The following VPS13B variants were observed in gnomAD, a reference collection of about 807,000 sequenced individuals.
VPS13B encodes vacuolar protein sorting 13 homolog B, also known as intermembrane lipid transfer protein VPS13B.
A neutral mutation model predicts 426.4 loss-of-function variants in VPS13B; 285 were observed. The observed-to-expected ratio is 0.67, with a 90% CI of 0.61 to 0.74. The LOEUF (loss-of-function observed/expected upper bound fraction) is 0.74, where lower values mean the gene tolerates loss of function less well. VPS13B is among the 30% of genes least tolerant of loss of function. The pLI is 0.00. For synonymous variants in VPS13B, 1,676 were observed against 1,676.4 expected, an observed-to-expected ratio of 1.00 and a Z score of 0.01; for missense variants, 4,537 against 4,782.6, an observed-to-expected ratio of 0.95 and a Z score of 1.51.
At chr8:99,417,030 A>G (rs938509590) in intron 21 of VPS13B, among the ~76,000 whole-genome samples, 21 of 152,166 alleles carry the variant, frequency 1.4e-4, no homozygotes, top group Non-Finnish European at 2.4e-4. Flanking sequence ...GAGCCCTAGT[A>G]TGTGGTAAAT....
intron 17 of VPS13B, among the ~76,000 whole-genome samples, chr8:99,250,135 A>G (rs1817427638): frequency 6.6e-6 from 1 of 152,128 alleles, no homozygotes; most frequent in Non-Finnish European, 1.5e-5. Flanking sequence ...GATGTTGAAT[A>G]TTTTTTAATA....
chr8:99,789,632 C>T (rs989600074), intron 43 of VPS13B, among the ~76,000 whole-genome samples: 1 of 152,108 alleles, frequency 6.6e-6, no homozygotes, highest in Non-Finnish European at 1.5e-5. Flanking sequence ...AAGTTAATCA[C>T]AGTTTGTCAC....
At chr8:99,286,842 A>T (rs527403198) in intron 19 of VPS13B, among the ~76,000 whole-genome samples, 1 of 152,240 alleles carries the variant, frequency 6.6e-6, no homozygotes, top group South Asian at 2.1e-4. Context: ...ATGGTGGGAA[A>T]ATTAAAGAGA....
intron 3 of VPS13B, among the ~76,000 whole-genome samples, chr8:99,087,202 C>A (rs1261155416): frequency 6.6e-6 from 1 of 152,162 alleles, no homozygotes; most frequent in South Asian, 2.1e-4. Flanking sequence ...AGTTTGATCT[C>A]AGACTGCTGT....
intron 2 of VPS13B, among the ~76,000 whole-genome samples, chr8:99,022,266 T>C (rs1045357510): frequency 6.6e-6 from 1 of 151,786 alleles, no homozygotes; most frequent in Non-Finnish European, 1.5e-5. Flanking sequence ...GCTATAATTT[T>C]TTTCTCTAAC....
chr8:99,683,100 C>T (rs1044982321), intron 35 of VPS13B, among the ~76,000 whole-genome samples: 66 of 152,266 alleles, frequency 4.3e-4, no homozygotes, highest in African/African-American at 1.5e-3. Context: ...AGATATTCAA[C>T]ACCATCTGTA....
intron 33 of VPS13B, among the ~76,000 whole-genome samples, chr8:99,629,071 A>G (rs1828733257): frequency 6.6e-6 from 1 of 152,096 alleles, no homozygotes; most frequent in African/African-American, 2.4e-5. Flanking sequence ...GCCTAGCTGT[A>G]TGATTTTGAG....
At position 99,720,413 on chromosome 8, in the gene VPS13B, T is replaced by A. The variant is rs1274744211; in HGVS notation, c.6726T>A (p.Asn2242Lys). ...ATGAATTACTCAATGGATACCTTAA[T>A]GAGGAGGGAAATTTTGAAGTACAAG... Reference protein sequence around the residue: ...LLHELLNGYLNEEGNFEVQVS... With the variant: ...LLHELLNGYLKEEGNFEVQVS... Residue 2242 changes from asparagine to lysine, a missense_variant, in exon 38 of 62, where the codon AAT (asparagine) becomes AAA (lysine). Asn to Lys is a moderately conservative substitution (Grantham distance 94). Around this residue, in one of 2 missense-constraint regions of VPS13B, gnomAD observed 4,311 missense variants for 4,474.3 expected, o/e 0.96. Transcript: ENST00000357162. 3 of 1,613,994 alleles carry A rather than the reference T, an allele frequency of 1.9e-6. No homozygotes were observed. Among genetic ancestry groups the A allele is most frequent in the Non-Finnish European group, 8.5e-7 (1 of 1,179,922 alleles).
At chr8:99,409,110 CTG>C (rs1311427668) in intron 21 of VPS13B, among the ~76,000 whole-genome samples, 1 of 152,104 alleles carries the variant, frequency 6.6e-6, no homozygotes, top group African/African-American at 2.4e-5. Context: ...TTTAGCCACT[CTG>C]AGGATCCTTA....
intron 51 of VPS13B, among the ~76,000 whole-genome samples, chr8:99,829,518 G>C (rs1295855223): frequency 6.6e-6 from 1 of 152,134 alleles, no homozygotes; most frequent in African/African-American, 2.4e-5. Flanking sequence ...GCGGTTCTTA[G>C]CTTCCTTGCA....
At chr8:99,796,937 T>G (rs1434023688) in intron 43 of VPS13B, 2 of 152,184 alleles carry the variant, frequency 1.3e-5, no homozygotes, top group Non-Finnish European at 2.9e-5. Flanking sequence ...CAGCATCACT[T>G]CCGCTACATT....
At chr8:99,656,688 C>A (rs1470688330) in intron 34 of VPS13B, among the ~76,000 whole-genome samples, 1 of 152,172 alleles carries the variant, frequency 6.6e-6, no homozygotes, top group African/African-American at 2.4e-5. Context: ...TGAACTTGAG[C>A]CGTTTCTCTG....
chr8:99,501,777 C>T lies in VPS13B; in HGVS notation c.3961C>T (p.Arg1321Cys), dbSNP rs922475155. ...AAGTAATATTGGAGGAACCAGTGGA[C>T]GTGTTAGTTTATGGATGCAGTGGGT... ...TTSNIGGTSG[R>C]VSLWMQWVLP... Residue 1321 changes from arginine to cysteine, a missense_variant, in exon 26 of 62, where the codon CGT (arginine) becomes TGT (cysteine). Physicochemically the swap from Arg to Cys is radical, Grantham distance 180 (BLOSUM62 -3). Transcript: ENST00000357162. 5.6e-6 allele frequency: 9 copies of T among 1,614,034 alleles called. No individual in the cohort carries two copies. The highest frequency in any genetic ancestry group is 3.3e-5 in the Admixed American group (2 of 60,006).
At chr8:99,141,531 T>C (rs1226031883) in intron 12 of VPS13B, among the ~76,000 whole-genome samples, 8 of 152,324 alleles carry the variant, frequency 5.3e-5, no homozygotes, top group African/African-American at 1.9e-4. Flanking sequence ...GTTTTAGCTA[T>C]GAAAAGTAAT....
chr8:99,748,419 C>T (rs1158931559), intron 39 of VPS13B, among the ~76,000 whole-genome samples: 3 of 151,976 alleles, frequency 2.0e-5, no homozygotes, highest in Non-Finnish European at 4.4e-5. Flanking sequence ...CCTTAGCCAC[C>T]TGAAACCTAA....
intron 29 of VPS13B, among the ~76,000 whole-genome samples, chr8:99,517,658 C>T (rs887807910): frequency 1.3e-5 from 2 of 152,040 alleles, no homozygotes; most frequent in African/African-American, 4.8e-5. Flanking sequence ...TTTTATTTCA[C>T]AATAGATGAC....
intron 31 of VPS13B, among the ~76,000 whole-genome samples, chr8:99,568,290 A>ATT (rs1473330895): frequency 9.1e-6 from 1 of 109,842 alleles, no homozygotes; most frequent in African/African-American, 3.1e-5. Context: ...TATTATTATT[A>ATT]TTATTATTAT....
At chr8:99,211,659 C>T (rs900124661) in intron 17 of VPS13B, among the ~76,000 whole-genome samples, 1 of 152,016 alleles carries the variant, frequency 6.6e-6, no homozygotes, top group African/African-American at 2.4e-5. Context: ...TGCCTGTAGT[C>T]CCAGCTAATC....
rs763556763 is a variant in VPS13B, at chr8:99,511,526, A to T, written c.4633+14A>T. On this transcript the variant is annotated intron_variant, in intron 29 of 61. Transcript: ENST00000357162. The stretch of plus-strand genomic sequence containing the variant: ...CAACTGTTGAAGGTATTGTCTTCTG[A>T]TTTTTTTTGTCTGATTTTAAATAAT... 3.7e-6 allele frequency: 6 copies of T among 1,605,032 alleles called. No homozygotes were observed. Among genetic ancestry groups the T allele is most frequent in the Non-Finnish European group, 5.1e-6 (6 of 1,177,450 alleles).
Sources: gnomAD v4.1 joint callset for allele counts (sites outside exome capture counted in the v4.1 genomes callset) on GRCh38, gnomAD v4.1.1 for gene constraint, gnomAD v4.1.1 regional missense constraint, MANE v1.5 for transcripts, NCBI Gene and HGNC (gene_info 2026-07-23, HGNC 2026-07-21) for gene names.